ITPR2: variants seen among roughly 807,000 people sequenced by gnomAD.
The protein encoded by ITPR2 is inositol 1,4,5-trisphosphate receptor type 2.
A neutral mutation model predicts 317.1 loss-of-function variants in ITPR2; 207 were observed. The ratio of observed to expected loss-of-function variants is 0.65; its 90% CI spans 0.58 to 0.73. ITPR2 has a LOEUF of 0.73. Ranked by LOEUF, ITPR2 falls within the 30% of genes least tolerant of loss-of-function variation. ITPR2 has a pLI of 0.00. For missense variants in ITPR2, 2,613 were observed against 3,284.0 expected (o/e 0.80, Z 4.99); for synonymous variants, 1,156 against 1,149.1 (o/e 1.01, Z -0.12).
At chr12:26,577,374 A>G (rs935507996) in intron 34 of ITPR2, among the ~76,000 whole-genome samples, 5 of 152,224 alleles carry the variant, frequency 3.3e-5, no homozygotes, top group South Asian at 4.1e-4. Context: ...TAAAGTTATT[A>G]GTTTATCTGA....
chr12:26,400,498 A>G (rs1289342056), intron 52 of ITPR2, among the ~76,000 whole-genome samples: 3 of 152,206 alleles, frequency 2.0e-5, no homozygotes, highest in Admixed American at 1.3e-4. Context: ...ACGTTTTAAA[A>G]AAATACCATT....
chr12:26,631,764 A>G, intron 22 of ITPR2, 102 bp downstream of exon 22: 1 of 961,402 alleles, frequency 1.0e-6, no homozygotes, highest in African/African-American at 1.6e-5. Flanking sequence ...TATTGATAGC[A>G]TTTCAGAATA....
chr12:26,491,255 A>G (rs913708106), intron 39 of ITPR2, among the ~76,000 whole-genome samples: 2 of 151,970 alleles, frequency 1.3e-5, no homozygotes, highest in Non-Finnish European at 2.9e-5. Flanking sequence ...AGGCTGAGGC[A>G]GGTGGATCAC....
chr12:26,510,672 C>T (rs979810242), intron 37 of ITPR2, among the ~76,000 whole-genome samples: 3 of 152,160 alleles, frequency 2.0e-5, no homozygotes. Context: ...AGGTGAAGAA[C>T]ACAAATTGTT....
At chr12:26,699,913 T>C (rs1333372369) in intron 9 of ITPR2, among the ~76,000 whole-genome samples, 2 of 152,150 alleles carry the variant, frequency 1.3e-5, no homozygotes, top group Non-Finnish European at 2.9e-5. Context: ...AATGTCTTTA[T>C]GTTAAAAAAA....
In ITPR2 at chr12:26,486,225, T is replaced by G. The variant is rs748454461; in HGVS notation, c.5690A>C (p.Glu1897Ala). ...GGATTTTTCCTCAGTGTTTCCCGCT[T>G]CTGGTCCTGTGCACATAATGTCTAT... ...PEIDIMCTGP[E>A]AGNTEEKSAE... Residue 1897 changes from glutamate to alanine, a missense_variant, in exon 41 of 57, where the codon GAA becomes GCA. This residue lies in a region of ITPR2 where 926 missense variants were observed against 1,072.8 expected (regional missense o/e 0.86). Transcript: ENST00000381340. 6.2e-7 allele frequency: 1 copy of G among 1,614,204 alleles called. No homozygotes were observed. The highest frequency in any genetic ancestry group is 8.5e-7 in the Non-Finnish European group (1 of 1,180,028).
At chr12:26,484,711 A>T (rs1423621484) in intron 41 of ITPR2, among the ~76,000 whole-genome samples, 5 of 152,204 alleles carry the variant, frequency 3.3e-5, no homozygotes, top group Admixed American at 3.3e-4. Flanking sequence ...ATACCATAAA[A>T]TACGATTTTT....
At chr12:26,630,185 T>C (rs1161084468) in intron 22 of ITPR2, among the ~76,000 whole-genome samples, 4 of 152,246 alleles carry the variant, frequency 2.6e-5, no homozygotes, top group Non-Finnish European at 5.9e-5. Context: ...AAAGGATAAA[T>C]CATAAACAAA....
At chr12:26,637,308 A>T (rs1946884499) in intron 21 of ITPR2, among the ~76,000 whole-genome samples, 1 of 152,232 alleles carries the variant, frequency 6.6e-6, no homozygotes, top group Admixed American at 6.5e-5. Flanking sequence ...TAAAAAAATT[A>T]AGAACAAGTA....
At chr12:26,476,019 T>C (rs1033668806) in intron 44 of ITPR2, among the ~76,000 whole-genome samples, 1 of 152,226 alleles carries the variant, frequency 6.6e-6, no homozygotes, top group Admixed American at 6.5e-5. Context: ...AGTGCCATTG[T>C]TGAATAAATA....
intron 49 of ITPR2, among the ~76,000 whole-genome samples, chr12:26,424,931 T>A (rs1565519176): frequency 6.6e-6 from 1 of 151,746 alleles, no homozygotes. Flanking sequence ...TACTAATTTT[T>A]ATATTTTTAG....
intron 13 of ITPR2, among the ~76,000 whole-genome samples, chr12:26,668,771 A>C (rs891962916): frequency 2.0e-5 from 3 of 151,892 alleles, no homozygotes; most frequent in Admixed American, 1.3e-4. Context: ...ACGTATTTTA[A>C]AAAGGCCAAT....
chr12:26,395,866 T>C (rs79949662), intron 54 of ITPR2, among the ~76,000 whole-genome samples: 4,318 of 152,296 alleles, frequency 0.028, 148 homozygotes, highest in African/African-American at 0.084. Context: ...GCTTACTAAC[T>C]GGATGTTGAC....
chr12:26,785,737 G>A (rs181490511), intron 2 of ITPR2, among the ~76,000 whole-genome samples: 2 of 29,404 alleles, frequency 6.8e-5, no homozygotes, highest in African/African-American at 1.9e-4. Flanking sequence ...CAGCCGCCCC[G>A]TCCGGGAGGT....
intron 37 of ITPR2, among the ~76,000 whole-genome samples, chr12:26,517,910 A>G (rs542322624): frequency 1.7e-3 from 252 of 152,330 alleles, no homozygotes; most frequent in Middle Eastern, 3.4e-3. Flanking sequence ...GAACACTTAC[A>G]TACTGCTGGG....
At chr12:26,630,721 T>G (rs1946731127) in intron 22 of ITPR2, 1 of 152,204 alleles carries the variant, frequency 6.6e-6, no homozygotes. Context: ...TCATCCTTTT[T>G]TAGCTGTTGG....
chr12:26,783,626 T>A (rs1950135460), intron 2 of ITPR2, among the ~76,000 whole-genome samples: 1 of 151,966 alleles, frequency 6.6e-6, no homozygotes, highest in South Asian at 2.1e-4. Flanking sequence ...GAATATAAAA[T>A]CAATTAAAAT....
At chr12:26,691,672 C>G (rs1948243183) in intron 10 of ITPR2, among the ~76,000 whole-genome samples, 1 of 152,114 alleles carries the variant, frequency 6.6e-6, no homozygotes, top group Non-Finnish European at 1.5e-5. Flanking sequence ...GGCATCCGCA[C>G]AGCAGTCAGC....
intron 13 of ITPR2, among the ~76,000 whole-genome samples, chr12:26,672,133 C>G (rs1056313791): frequency 6.6e-6 from 1 of 152,158 alleles, no homozygotes. Flanking sequence ...CAACATTAGA[C>G]AGATCAATGA....
Sources: gnomAD v4.1 joint callset for allele counts (sites outside exome capture counted in the v4.1 genomes callset) on GRCh38, gnomAD v4.1.1 for gene constraint, gnomAD v4.1.1 regional missense constraint, MANE v1.5 for transcripts, NCBI Gene and HGNC (gene_info 2026-07-23, HGNC 2026-07-21) for gene names.